Variants in GATC observed in about 807,000 individuals in gnomAD.
GATC encodes glutamyl-tRNA(Gln) amidotransferase subunit C, mitochondrial.
A neutral mutation model predicts 14.4 loss-of-function variants in GATC; 11 were observed. The ratio of observed to expected loss-of-function variants is 0.77; its 90% CI spans 0.48 to 1.27. GATC has a LOEUF of 1.27. GATC is among the 50% of genes most tolerant of loss of function. The pLI, the probability that GATC is intolerant of heterozygous loss-of-function variation, is 0.00. For synonymous variants in GATC, 76 were observed against 79.3 expected, an observed-to-expected ratio of 0.96 and a Z score of 0.22; for missense variants, 204 against 183.0, an observed-to-expected ratio of 1.11 and a Z score of -0.66.
At chr12:120,446,635 C>A (rs750478943) in intron 1 of GATC, 22 bp from the exon 2 acceptor site, 5 of 1,601,998 alleles carry the variant, frequency 3.1e-6, no homozygotes, top group Admixed American at 3.4e-5. Context: ...GACCCACACT[C>A]CCCGCCTCAT....
intron 2 of GATC, among the ~76,000 whole-genome samples, chr12:120,447,883 G>C (rs994781148): frequency 6.6e-6 from 1 of 151,224 alleles, no homozygotes; most frequent in African/African-American, 2.4e-5. Flanking sequence ...AGCCTCCCAA[G>C]TACAGGACCA....
At position 120,462,188 on chromosome 12, in the gene GATC, A is replaced by C. The variant is rs1206771320; in HGVS notation, c.*2229A>C. Reference sequence around the variant, plus strand: ...CTGAAATGCAAACAAAAACAAAAAGAGTAAAGGGGAAAAAAATCAGAGCCA... The same window carrying C: ...CTGAAATGCAAACAAAAACAAAAAGCGTAAAGGGGAAAAAAATCAGAGCCA... On this transcript the variant is annotated 3_prime_UTR_variant, in exon 4 of 4. Transcript: ENST00000551765. The C allele has an allele frequency of 3.1e-6, 5 of 1,587,998 alleles. No individual in the cohort carries two copies. Among genetic ancestry groups the C allele is most frequent in the South Asian group, 1.1e-5 (1 of 88,468 alleles).
intron 2 of GATC, among the ~76,000 whole-genome samples, chr12:120,450,081 T>C (rs915972762): frequency 1.3e-5 from 2 of 152,136 alleles, no homozygotes; most frequent in Non-Finnish European, 1.5e-5. Context: ...TTTATTAATA[T>C]CTCTAGGAAA....
intron 3 of GATC, among the ~76,000 whole-genome samples, chr12:120,459,445 TTCAGATAC>T: frequency 6.6e-6 from 1 of 152,330 alleles, no homozygotes; most frequent in East Asian, 1.9e-4. Flanking sequence ...AACTGATTCT[TTCAGATAC>T]TCCCAGTTAG....
intron 2 of GATC, among the ~76,000 whole-genome samples, chr12:120,451,691 G>A (rs1281804841): frequency 1.5e-5 from 2 of 136,292 alleles, no homozygotes; most frequent in African/African-American, 2.7e-5. Context: ...GCAGTGAGCC[G>A]AGATCACGTC....
At position 120,460,763 on chromosome 12, in the gene GATC, T is replaced by G. The variant is rs1471638928; in HGVS notation, c.*804T>G. 1 of 152,086 alleles carries G rather than the reference T, an allele frequency of 6.6e-6. No individual in the cohort carries two copies. Among genetic ancestry groups the G allele is most frequent in the African/African-American group, 2.4e-5 (1 of 41,402 alleles). The allele number at this position is 152,086 out of a possible 1,614,324, so 9.4% of individuals were successfully genotyped here. On this transcript the variant is annotated 3_prime_UTR_variant, in exon 4 of 4. Transcript: ENST00000551765. ...GCTCACTCCTGTAATCCCAGCACTT[T>G]GGGAGGCTGAGACGGGCGGATCACA...
At position 120,446,451 on chromosome 12, in the gene GATC, G is replaced by A. The variant is rs1276390261; in HGVS notation, c.-30G>A. 6.2e-7 allele frequency: 1 copy of A among 1,604,884 alleles called. No individual in the cohort carries two copies. The highest frequency in any genetic ancestry group is 1.7e-5 in the Admixed American group (1 of 59,492). ...GGCGCGTCGCTCGGCGTTACGCGCG[G>A]GCGCACTGCGGGGGCCAAGGAAGGA... On this transcript the variant is annotated 5_prime_UTR_variant, in exon 1 of 4. Coordinates refer to ENST00000551765, the MANE Select transcript of GATC (RefSeq NM_176818.3).
chr12:120,455,118 G>A, intron 2 of GATC: 2 of 255,846 alleles, frequency 7.8e-6, no homozygotes, highest in South Asian at 3.3e-5. Flanking sequence ...CCTGACCTCA[G>A]GTGATCCACC....
rs1401064266 is a variant in GATC, at chr12:120,459,953, C to G, written c.405C>G (p.His135Gln). The G allele has an allele frequency of 6.2e-7, 1 of 1,611,628 alleles. No homozygotes were observed. The highest frequency in any genetic ancestry group is 2.2e-5 in the East Asian group (1 of 44,864). Residue 135 changes from histidine (H) to glutamine (Q), a missense_variant, in exon 4 of 4, where the codon CAC becomes CAG. His to Gln is a conservative substitution (Grantham distance 24). Transcript: ENST00000551765. ...TGGATGAACAAGAGCCATTCCCACA[C>G]AGCTGAGTAGCTCATTCTGGAAAGG... ...PKLDEQEPFPHS is the reference protein window; with the variant it reads ...PKLDEQEPFPQS
chr12:120,452,884 T>TG lies in GATC; in HGVS notation c.255-4188dup, dbSNP rs955616432. On this transcript the variant is annotated intron_variant, in intron 2 of 3. Coordinates refer to ENST00000551765, the MANE Select transcript of GATC (RefSeq NM_176818.3). Reference sequence around the variant, plus strand: ...TAACTTTTGTATTTTTTAGGGGAGATGGGGTCTCACCATGTTTCCCAGGCT... The same window carrying TG: ...TAACTTTTGTATTTTTTAGGGGAGATGGGGGTCTCACCATGTTTCCCAGGCT... Among the ~76,000 whole-genome samples the TG allele has an allele frequency of 9.0e-4, 137 of 151,474 alleles. 1 individual carries two copies. Among genetic ancestry groups the TG allele is most frequent in the African/African-American group, 3.1e-3 (127 of 41,296 alleles).
chr12:120,451,384 C>T (rs1878038931), intron 2 of GATC, among the ~76,000 whole-genome samples: 1 of 151,852 alleles, frequency 6.6e-6, no homozygotes, highest in Non-Finnish European at 1.5e-5. Flanking sequence ...GCAGAGGTTG[C>T]AGTCAGCCAA....
intron 3 of GATC, among the ~76,000 whole-genome samples, chr12:120,459,102 G>A (rs1180529859): frequency 1.3e-5 from 2 of 151,942 alleles, no homozygotes; most frequent in Non-Finnish European, 2.9e-5. Flanking sequence ...CCTCGTGATC[G>A]TCCGCTTCGG....
chr12:120,462,515 A>AT lies in GATC; in HGVS notation c.*2556_*2557insT, dbSNP rs1422477262. The AT allele has an allele frequency of 5.6e-6, 1 of 178,740 alleles. No homozygotes were observed. The highest frequency in any genetic ancestry group is 1.2e-5 in the Non-Finnish European group (1 of 84,038). The allele number at this position is 178,740 out of a possible 1,614,324, so 11.1% of individuals were successfully genotyped here. ...CTGGAAAGGATCTCAGGGGTCATATAGTTTAATCCCCTGCCACCTCATGTA... is the reference window on the plus strand; with the variant it reads ...CTGGAAAGGATCTCAGGGGTCATATATGTTTAATCCCCTGCCACCTCATGTA... On this transcript the variant is annotated 3_prime_UTR_variant, in exon 4 of 4. Transcript: ENST00000551765.
In GATC at chr12:120,463,587, G is replaced by C. The variant is rs941720175; in HGVS notation, c.*3628G>C. On this transcript the variant is annotated 3_prime_UTR_variant, in exon 4 of 4. Transcript: ENST00000551765. ...CTGTAGAGCTCAGCCTGGACCCACA[G>C]GAGGGGTAGTTGAGTTCACAGAGGG... 1 of 167,830 alleles carries C rather than the reference G, an allele frequency of 6.0e-6. No individual in the cohort carries two copies. Among genetic ancestry groups the C allele is most frequent in the African/African-American group, 2.4e-5 (1 of 41,910 alleles). 10.4% of individuals were successfully genotyped at this position (167,830 alleles called of 1,614,324 possible). A position where few individuals can be genotyped will look rare whatever the true frequency, so the allele number is the denominator to read the frequency against.
intron 2 of GATC, chr12:120,454,932 G>A (rs1180930009): frequency 1.2e-5 from 5 of 411,820 alleles, no homozygotes; most frequent in Admixed American, 2.5e-5. Context: ...CTGTCACCCA[G>A]GTTGGAGTGC....
intron 2 of GATC, chr12:120,455,165 G>C (rs1473796396): frequency 4.6e-6 from 1 of 218,766 alleles, no homozygotes; most frequent in African/African-American, 2.3e-5. Flanking sequence ...TTACAGGCTT[G>C]AGCCACTGTG....
intron 3 of GATC, among the ~76,000 whole-genome samples, chr12:120,458,004 C>T (rs1482514498): frequency 6.6e-6 from 1 of 152,108 alleles, no homozygotes; most frequent in African/African-American, 2.4e-5. Flanking sequence ...GCAGGAGGAG[C>T]ATGGCTGCTA....
In GATC at chr12:120,458,780, C is replaced by G. The variant is rs1207439542; in HGVS notation, c.359-1127C>G. Among the ~76,000 whole-genome samples, 3 of 152,158 alleles carry G rather than the reference C, an allele frequency of 2.0e-5. No individual in the cohort carries two copies. In the East Asian group the frequency reaches 5.8e-4, roughly 29 times the overall value. On this transcript the variant is annotated intron_variant, in intron 3 of 3. Transcript: ENST00000551765. ...AGCAGACTCCACAGAAGACATTGGCCCTGGTCAGCTTAAGGTGCCAGTTAA... is the reference window on the plus strand; with the variant it reads ...AGCAGACTCCACAGAAGACATTGGCGCTGGTCAGCTTAAGGTGCCAGTTAA...
chr12:120,455,640 C>CA (rs35647393), intron 2 of GATC, among the ~76,000 whole-genome samples: 1 of 151,714 alleles, frequency 6.6e-6, no homozygotes, highest in African/African-American at 2.4e-5. Flanking sequence ...CTGGGTGCCA[C>CA]AAAAAAAGAA....
Sources: allele counts gnomAD v4.1 joint callset (sites outside exome capture counted in the v4.1 genomes callset), GRCh38; gene constraint gnomAD v4.1.1; transcripts MANE v1.5; gene names NCBI Gene and HGNC (gene_info 2026-07-23, HGNC 2026-07-21).